The following RAD54B variants were observed in gnomAD, a reference collection of about 807,000 sequenced individuals.
RAD54B encodes the protein DNA repair and recombination protein RAD54B.
Under a neutral mutation model 95.8 loss-of-function variants are expected in RAD54B, and 78 were observed. The ratio of observed to expected loss-of-function variants is 0.81; its 90% CI spans 0.68 to 0.98. The LOEUF is 0.98. Ranked by LOEUF, RAD54B falls within the 50% of genes least tolerant of loss-of-function variation. The pLI is 0.00. For synonymous variants in RAD54B, 328 were observed against 354.9 expected, an observed-to-expected ratio of 0.92 and a Z score of 0.85; for missense variants, 957 against 1,056.6, an observed-to-expected ratio of 0.91 and a Z score of 1.31.
chr8:94,405,542 T>G (rs1216180146), intron 5 of RAD54B, among the ~76,000 whole-genome samples: 1 of 152,186 alleles, frequency 6.6e-6, no homozygotes, highest in African/African-American at 2.4e-5. Context: ...TGAAATGAAC[T>G]TTCATCTTTG....
At chr8:94,396,072 AAAG>A (rs1464986094) in intron 8 of RAD54B, among the ~76,000 whole-genome samples, 4 of 152,204 alleles carry the variant, frequency 2.6e-5, no homozygotes, top group Admixed American at 6.5e-5. Flanking sequence ...TTAGGGCAGA[AAAG>A]AAGAAGGAAA....
chr8:94,445,316 G>A (rs1812496521), intron 3 of RAD54B, among the ~76,000 whole-genome samples: 1 of 152,098 alleles, frequency 6.6e-6, no homozygotes, highest in Non-Finnish European at 1.5e-5. Flanking sequence ...CCACCTTGGG[G>A]GTTAGGATTT....
intron 3 of RAD54B, among the ~76,000 whole-genome samples, chr8:94,422,245 T>C (rs1011299680): frequency 1.3e-5 from 2 of 152,100 alleles, no homozygotes; most frequent in African/African-American, 4.8e-5. Flanking sequence ...ACTGCTATTT[T>C]GACTCTAGGT....
intron 2 of RAD54B, among the ~76,000 whole-genome samples, chr8:94,467,120 GT>G (rs1191835605): frequency 2.0e-5 from 3 of 151,958 alleles, no homozygotes; most frequent in Admixed American, 2.0e-4. Context: ...TAGAGACAGG[GT>G]CTCACTATGT....
At chr8:94,432,363 T>TCA in intron 3 of RAD54B, 1 of 1,550,362 alleles carries the variant, frequency 6.5e-7, no homozygotes, top group Non-Finnish European at 8.7e-7. Context: ...CCTAAAGTGT[T>TCA]CACCACTCTC....
At chr8:94,421,458 G>C (rs989829256) in intron 3 of RAD54B, among the ~76,000 whole-genome samples, 1 of 152,124 alleles carries the variant, frequency 6.6e-6, no homozygotes, top group Non-Finnish European at 1.5e-5. Flanking sequence ...CTGTCCACTT[G>C]AGCGGATTCA....
At chr8:94,437,023 C>CTTAA in intron 3 of RAD54B, 1 of 1,363,602 alleles carries the variant, frequency 7.3e-7, no homozygotes, top group South Asian at 1.9e-5. Flanking sequence ...ATTCCTCCAG[C>CTTAA]TTAAGCTGAC....
chr8:94,466,224 C>T (rs1813021237), intron 2 of RAD54B, among the ~76,000 whole-genome samples: 3 of 152,138 alleles, frequency 2.0e-5, no homozygotes, highest in Admixed American at 2.0e-4. Context: ...ACTTTAATCC[C>T]TATAACATAA....
chr8:94,426,662 A>AT (rs1248764099), intron 3 of RAD54B, among the ~76,000 whole-genome samples: 2 of 152,110 alleles, frequency 1.3e-5, no homozygotes, highest in African/African-American at 2.4e-5. Context: ...CTTATCTATA[A>AT]TTTTTTTTAA....
chr8:94,453,849 C>T (rs992558787), intron 3 of RAD54B, among the ~76,000 whole-genome samples: 1 of 151,924 alleles, frequency 6.6e-6, no homozygotes, highest in Non-Finnish European at 1.5e-5. Context: ...TGGAGTGCAA[C>T]GGCGCAATCT....
At chr8:94,455,196 C>T (rs1812752658) in intron 3 of RAD54B, among the ~76,000 whole-genome samples, 1 of 152,172 alleles carries the variant, frequency 6.6e-6, no homozygotes, top group South Asian at 2.1e-4. Flanking sequence ...TTCCAAAACA[C>T]TTGTGAAATT....
Position 94,436,415 on chromosome 8 carries a change from ATAT to A in RAD54B, c.304+21850_304+21852del. 4.2e-6 allele frequency: 6 copies of A among 1,430,336 alleles called. No homozygotes were observed. In the South Asian group the frequency reaches 9.1e-5, roughly 22 times the overall value. The allele number at this position is 1,430,336 out of a possible 1,614,324, so 88.6% of individuals were successfully genotyped here. A position where few individuals can be genotyped will look rare whatever the true frequency, so the allele number is the denominator to read the frequency against. On this transcript the variant is annotated intron_variant, in intron 3 of 14. Coordinates refer to ENST00000336148, the MANE Select transcript of RAD54B (RefSeq NM_012415.3). ...CCCGTTGTGGGGATGCTTACTATGC[ATAT>A]CTCTATCACGACTAAGCCAAAGCCC...
At chr8:94,457,512 A>G (rs1812804219) in intron 3 of RAD54B, among the ~76,000 whole-genome samples, 1 of 152,206 alleles carries the variant, frequency 6.6e-6, no homozygotes, top group African/African-American at 2.4e-5. Flanking sequence ...AATCATCAGG[A>G]AGTCCAAGAA....
At chr8:94,459,681 G>A (rs1340745684) in intron 2 of RAD54B, among the ~76,000 whole-genome samples, 3 of 149,042 alleles carry the variant, frequency 2.0e-5, no homozygotes, top group East Asian at 4.2e-4. Flanking sequence ...CCAACATGGT[G>A]AAACCCCGTC....
chr8:94,406,063 A>C (rs1432949126), intron 5 of RAD54B, among the ~76,000 whole-genome samples: 3 of 151,906 alleles, frequency 2.0e-5, no homozygotes, highest in Non-Finnish European at 2.9e-5. Context: ...ATATATATAC[A>C]TTTACATCAC....
rs532921992 is a variant in RAD54B at position 94,372,394 on chromosome 8, T to G, written c.2516-7A>C. On this transcript the variant is annotated splice_region_variant and splice_polypyrimidine_tract_variant and intron_variant, in intron 14 of 14. Transcript: ENST00000336148. Reference sequence around the variant, plus strand: ...AATTTTTCCAACGAATCACCTGTAATAAGTAAAACAATGAGAAAATCCTTA... The same window carrying G: ...AATTTTTCCAACGAATCACCTGTAAGAAGTAAAACAATGAGAAAATCCTTA... The G allele has an allele frequency of 5.0e-6, 8 of 1,610,166 alleles. No homozygotes were observed. Among genetic ancestry groups the G allele is most frequent in the Non-Finnish European group, 6.8e-6 (8 of 1,179,308 alleles).
intron 10 of RAD54B, among the ~76,000 whole-genome samples, chr8:94,388,705 C>T (rs951231538): frequency 6.6e-6 from 1 of 152,158 alleles, no homozygotes; most frequent in African/African-American, 2.4e-5. Flanking sequence ...ATTTGGCTTA[C>T]TGTCAAAATA....
At chr8:94,449,345 C>G (rs7829493) in intron 3 of RAD54B, among the ~76,000 whole-genome samples, 1 of 151,894 alleles carries the variant, frequency 6.6e-6, no homozygotes, top group Non-Finnish European at 1.5e-5. Context: ...CAGTGGCTCA[C>G]GCCTGTAATC....
chr8:94,405,345 G>C (rs1305766395), intron 5 of RAD54B, among the ~76,000 whole-genome samples: 1 of 151,588 alleles, frequency 6.6e-6, no homozygotes, highest in African/African-American at 2.4e-5. Context: ...AATTGAATTA[G>C]ATAAAAAAAG....
Sources: allele counts gnomAD v4.1 joint callset (sites outside exome capture counted in the v4.1 genomes callset), GRCh38; gene constraint gnomAD v4.1.1; transcripts MANE v1.5; gene names NCBI Gene and HGNC (gene_info 2026-07-23, HGNC 2026-07-21).